Variants in SCAMP1 observed in about 807,000 individuals in gnomAD.
SCAMP1 encodes secretory carrier membrane protein 1.
SCAMP1 carries 15 observed loss-of-function variants against 41.8 expected under a neutral mutation model. That is an observed-to-expected ratio of 0.36 (90% CI 0.24 to 0.55). SCAMP1 has a LOEUF of 0.55. Among genes scored for constraint, SCAMP1 ranks in the 20% least tolerant of loss-of-function variants. The pLI is 0.86. For synonymous variants in SCAMP1, 135 were observed against 136.8 expected (o/e 0.99, Z 0.09); for missense variants, 341 against 412.6 (o/e 0.83, Z 1.50).
At chr5:78,392,440 T>A (rs1268429345) in intron 2 of SCAMP1, among the ~76,000 whole-genome samples, 1 of 152,218 alleles carries the variant, frequency 6.6e-6, no homozygotes, top group Non-Finnish European at 1.5e-5. Context: ...ATAGAAAAAA[T>A]AGTCCTGGTC....
chr5:78,460,745 C>T (rs964764089), intron 8 of SCAMP1, among the ~76,000 whole-genome samples: 3 of 2,892 alleles, frequency 1.0e-3, no homozygotes, highest in African/African-American at 2.0e-3. Context: ...TTCTTTTCTC[C>T]TTCCTTCCTT....
chr5:78,443,518 G>T (rs990329894), intron 6 of SCAMP1, among the ~76,000 whole-genome samples: 1 of 152,058 alleles, frequency 6.6e-6, no homozygotes, highest in African/African-American at 2.4e-5. Flanking sequence ...TATTGTTCAG[G>T]TTTAAAACTT....
chr5:78,427,394 C>T (rs1752494261), intron 6 of SCAMP1, among the ~76,000 whole-genome samples: 1 of 152,128 alleles, frequency 6.6e-6, no homozygotes, highest in East Asian at 1.9e-4. Context: ...ACACAAACAC[C>T]TCCTGCTAGG....
At chr5:78,447,659 GA>G (rs986934396) in intron 6 of SCAMP1, among the ~76,000 whole-genome samples, 49 of 148,966 alleles carry the variant, frequency 3.3e-4, no homozygotes, top group East Asian at 1.2e-3. Flanking sequence ...AAAAAAACAG[GA>G]AAAAAAAAAT....
intron 6 of SCAMP1, among the ~76,000 whole-genome samples, chr5:78,423,016 G>GCGCACA (rs1204660636): frequency 6.0e-5 from 2 of 33,346 alleles, no homozygotes; most frequent in East Asian, 3.5e-4. Context: ...ACGCGCGCGC[G>GCGCACA]CACACACACA....
intron 8 of SCAMP1, among the ~76,000 whole-genome samples, chr5:78,469,896 AAAAAAAAAAAAAAAAAC>A (rs1753833544): frequency 2.1e-4 from 7 of 32,772 alleles, no homozygotes; most frequent in South Asian, 1.4e-3. Flanking sequence ...ACATTAAAAA[AAAAAAAAAAAAAAAAAC>A]AAAAAAAAAA....
intron 6 of SCAMP1, among the ~76,000 whole-genome samples, chr5:78,428,442 A>G (rs567807967): frequency 2.1e-4 from 32 of 152,298 alleles, no homozygotes; most frequent in Admixed American, 1.4e-3. Context: ...CCAGTGATGT[A>G]GGATTTATTT....
At chr5:78,409,291 G>C (rs1256840703) in intron 2 of SCAMP1, among the ~76,000 whole-genome samples, 1 of 152,112 alleles carries the variant, frequency 6.6e-6, no homozygotes, top group East Asian at 1.9e-4. Context: ...ATTTGGTCTA[G>C]TATTTTAGGT....
chr5:78,413,574 T>A (rs1752135366), intron 2 of SCAMP1, among the ~76,000 whole-genome samples: 1 of 152,024 alleles, frequency 6.6e-6, no homozygotes, highest in Non-Finnish European at 1.5e-5. Context: ...CACACCACCA[T>A]GCCTGTCTAA....
chr5:78,383,287 G>A (rs1751256585), intron 1 of SCAMP1, among the ~76,000 whole-genome samples: 1 of 151,812 alleles, frequency 6.6e-6, no homozygotes, highest in South Asian at 2.1e-4. Context: ...TGATGGGATT[G>A]TTTTTTTCAT....
rs1348401878 is a variant in SCAMP1, at chr5:78,479,134, T to G, written c.*3466T>G. ...AGAATTTGTTACATTTTGAGCATTT[T>G]TTCCCCTGCTTATGTATACCTTAGA... On this transcript the variant is annotated 3_prime_UTR_variant, in exon 9 of 9. Transcript: ENST00000621999. The G allele has an allele frequency of 6.6e-6, 1 of 152,198 alleles. No individual in the cohort carries two copies. Among genetic ancestry groups the G allele is most frequent in the Non-Finnish European group, 1.5e-5 (1 of 67,996 alleles). 9.4% of individuals were successfully genotyped at this position (152,198 alleles called of 1,614,324 possible). A position where few individuals can be genotyped will look rare whatever the true frequency, so the allele number is the denominator to read the frequency against.
At position 78,369,898 on chromosome 5, in the gene SCAMP1, C is replaced by G. The variant is rs1750901135; in HGVS notation, c.57+9170C>G. On this transcript the variant is annotated intron_variant, in intron 1 of 8. Transcript: ENST00000621999. Reference sequence around the variant, plus strand: ...GTCCTCTAGGGTGTGACTTTTGCCACCCTGGCCTCAGCTGACTGATCTTAA... The same window carrying G: ...GTCCTCTAGGGTGTGACTTTTGCCAGCCTGGCCTCAGCTGACTGATCTTAA... Among the ~76,000 whole-genome samples, 3 of 152,196 alleles carry G rather than the reference C, an allele frequency of 2.0e-5. No homozygotes were observed. The South Asian group carries it at 6.2e-4, about 32-fold the overall frequency.
chr5:78,459,912 C>A (rs962233644), intron 8 of SCAMP1, among the ~76,000 whole-genome samples: 1 of 152,056 alleles, frequency 6.6e-6, no homozygotes, highest in South Asian at 2.1e-4. Context: ...TTGCTCTTCT[C>A]CCTCCCTCCC....
At chr5:78,451,988 G>A (rs914945016) in intron 7 of SCAMP1, among the ~76,000 whole-genome samples, 1 of 152,112 alleles carries the variant, frequency 6.6e-6, no homozygotes, top group African/African-American at 2.4e-5. Flanking sequence ...TCTATGATAT[G>A]GATGTATCAC....
At chr5:78,379,907 G>A (rs1350470622) in intron 1 of SCAMP1, among the ~76,000 whole-genome samples, 1 of 151,976 alleles carries the variant, frequency 6.6e-6, no homozygotes, top group Non-Finnish European at 1.5e-5. Flanking sequence ...TTGTAATTAC[G>A]AAAACATTTC....
intron 6 of SCAMP1, among the ~76,000 whole-genome samples, chr5:78,440,904 A>T (rs1752904931): frequency 6.6e-6 from 1 of 152,164 alleles, no homozygotes; most frequent in African/African-American, 2.4e-5. Flanking sequence ...AAGCCTCAGC[A>T]GTGGTGGACG....
chr5:78,365,439 A>G (rs1750769718), intron 1 of SCAMP1, among the ~76,000 whole-genome samples: 2 of 135,332 alleles, frequency 1.5e-5, no homozygotes, highest in Admixed American at 1.8e-4. Context: ...GCACCACTGC[A>G]CTCCAGCCTG....
At chr5:78,376,934 G>A (rs759020937) in intron 1 of SCAMP1, among the ~76,000 whole-genome samples, 1 of 152,144 alleles carries the variant, frequency 6.6e-6, no homozygotes, top group Non-Finnish European at 1.5e-5. Context: ...GAGAGAAAAG[G>A]ATAATTGACA....
intron 7 of SCAMP1, among the ~76,000 whole-genome samples, chr5:78,457,382 T>G (rs1371892852): frequency 3.9e-5 from 6 of 151,968 alleles, no homozygotes; most frequent in Non-Finnish European, 7.4e-5. Context: ...GTCCTTTCTG[T>G]TTGTTAGTTT....
Sources: gnomAD v4.1 joint callset for allele counts (sites outside exome capture counted in the v4.1 genomes callset) on GRCh38, gnomAD v4.1.1 for gene constraint, MANE v1.5 for transcripts, NCBI Gene and HGNC (gene_info 2026-07-23, HGNC 2026-07-21) for gene names.